The following CSGALNACT1 variants were observed in gnomAD, a reference collection of about 807,000 sequenced individuals.
The protein encoded by CSGALNACT1 is chondroitin sulfate N-acetylgalactosaminyltransferase 1.
In CSGALNACT1, 52 loss-of-function variants were observed where a neutral mutation model predicts 51.0. The ratio of observed to expected loss-of-function variants is 1.02; its 90% CI spans 0.82 to 1.29. The LOEUF (loss-of-function observed/expected upper bound fraction) is 1.29, where lower values mean the gene tolerates loss of function less well. CSGALNACT1 is among the 50% of genes most tolerant of loss of function. The pLI is 0.00. For missense variants in CSGALNACT1, 935 were observed against 679.2 expected (o/e 1.38, Z -4.19); for synonymous variants, 341 against 254.4 (o/e 1.34, Z -3.24).
chr8:19,446,232 G>A (rs532097309), intron 5 of CSGALNACT1, among the ~76,000 whole-genome samples: 133 of 152,240 alleles, frequency 8.7e-4, no homozygotes, highest in Middle Eastern at 6.8e-3. Context: ...AATGGTATTC[G>A]TTACGTATTC....
chr8:19,572,869 T>C (rs901281793), intron 3 of CSGALNACT1, among the ~76,000 whole-genome samples: 1 of 152,226 alleles, frequency 6.6e-6, no homozygotes, highest in African/African-American at 2.4e-5. Context: ...TGAAGATAAA[T>C]AATCCGTAAT....
At chr8:19,618,178 G>C (rs1327873407) in intron 1 of CSGALNACT1, among the ~76,000 whole-genome samples, 2 of 152,070 alleles carry the variant, frequency 1.3e-5, no homozygotes, top group Admixed American at 1.3e-4. Context: ...ACTGCAACTG[G>C]CTATGCCTGT....
chr8:19,556,680 T>G (rs781272523), intron 3 of CSGALNACT1, among the ~76,000 whole-genome samples: 1 of 152,144 alleles, frequency 6.6e-6, no homozygotes, highest in Admixed American at 6.5e-5. Context: ...CAAGCTATAA[T>G]AGATTCTCCT....
intron 1 of CSGALNACT1, among the ~76,000 whole-genome samples, chr8:19,666,918 G>A (rs1374887180): frequency 2.2e-5 from 3 of 134,048 alleles, no homozygotes; most frequent in African/African-American, 8.6e-5. Flanking sequence ...AGGAAGGGAG[G>A]AAGGGAGAGA....
Position 19,565,711 on chromosome 8 carries a change from G to C in CSGALNACT1, c.-297+25449C>G, listed in dbSNP as rs540188773. 1.4e-4 allele frequency among the ~76,000 whole-genome samples: 22 copies of C among 152,332 alleles called. No homozygotes were observed. The South Asian group carries it at 4.6e-3, about 32-fold the overall frequency. Reference sequence around the variant, plus strand: ...AGGTGGGTGGATCATCTGAGGTCAGGTGTTCAAGACCAGCCTGGCCAACAC... The same window carrying C: ...AGGTGGGTGGATCATCTGAGGTCAGCTGTTCAAGACCAGCCTGGCCAACAC... On this transcript the variant is annotated intron_variant, in intron 3 of 9. Transcript: ENST00000454498.
chr8:19,606,544 G>A (rs1054904479), upstream of CSGALNACT1, among the ~76,000 whole-genome samples: 13 of 152,100 alleles, frequency 8.5e-5, no homozygotes, highest in African/African-American at 3.1e-4. Flanking sequence ...TGATTTTAAA[G>A]GTCATGAGTT....
intron 4 of CSGALNACT1, among the ~76,000 whole-genome samples, chr8:19,471,835 G>C (rs1011484626): frequency 6.6e-6 from 1 of 152,196 alleles, no homozygotes; most frequent in Non-Finnish European, 1.5e-5. Context: ...ACTTGCTCCA[G>C]GTGATCAACA....
intron 6 of CSGALNACT1, among the ~76,000 whole-genome samples, chr8:19,429,319 G>A (rs1334854960): frequency 6.6e-6 from 1 of 152,122 alleles, no homozygotes; most frequent in Non-Finnish European, 1.5e-5. Context: ...TGGGATTACA[G>A]GTGTGAGCCA....
intron 3 of CSGALNACT1, among the ~76,000 whole-genome samples, chr8:19,536,887 G>A (rs2083861374): frequency 6.6e-6 from 1 of 152,144 alleles, no homozygotes; most frequent in African/African-American, 2.4e-5. Context: ...TTTCACAAAG[G>A]TACAGAAGTA....
intron 2 of CSGALNACT1, among the ~76,000 whole-genome samples, chr8:19,595,619 TA>T (rs532701386): frequency 3.2e-4 from 47 of 147,888 alleles, no homozygotes; most frequent in South Asian, 4.3e-4. Context: ...TTTGTAATGT[TA>T]AAAAAAAAAA....
intron 3 of CSGALNACT1, among the ~76,000 whole-genome samples, chr8:19,590,121 ATC>A (rs530294555): frequency 2.6e-5 from 4 of 152,188 alleles, no homozygotes; most frequent in Non-Finnish European, 4.4e-5. Flanking sequence ...TGACGTTGTC[ATC>A]TCTCTCTTTA....
intron 1 of CSGALNACT1, among the ~76,000 whole-genome samples, chr8:19,618,236 T>C (rs1393897794): frequency 6.6e-6 from 1 of 152,128 alleles, no homozygotes; most frequent in East Asian, 1.9e-4. Flanking sequence ...AATAATCAGA[T>C]TCCAGGTTGC....
chr8:19,572,084 CA>C (rs1441970356), intron 3 of CSGALNACT1, among the ~76,000 whole-genome samples: 5 of 152,132 alleles, frequency 3.3e-5, no homozygotes, highest in African/African-American at 1.2e-4. Context: ...TTGAGAACAG[CA>C]AAGTCTGCCA....
intron 1 of CSGALNACT1, among the ~76,000 whole-genome samples, chr8:19,679,107 T>G (rs1001403310): frequency 6.6e-6 from 1 of 152,194 alleles, no homozygotes; most frequent in South Asian, 2.1e-4. Flanking sequence ...AATTATTCTA[T>G]GTACAGGAAC....
intron 1 of CSGALNACT1, among the ~76,000 whole-genome samples, chr8:19,682,314 A>G (rs1013408446): frequency 2.0e-5 from 3 of 152,064 alleles, no homozygotes; most frequent in Non-Finnish European, 4.4e-5. Context: ...ATGTGCCCAG[A>G]AGGTCTAATC....
At chr8:19,438,000 T>C (rs182581890) in intron 6 of CSGALNACT1, among the ~76,000 whole-genome samples, 1 of 152,350 alleles carries the variant, frequency 6.6e-6, no homozygotes, top group East Asian at 1.9e-4. Flanking sequence ...TTCCAGTCAC[T>C]ACAAGGGGTC....
intron 1 of CSGALNACT1, among the ~76,000 whole-genome samples, chr8:19,617,247 G>A (rs374409867): frequency 1.1e-4 from 17 of 152,308 alleles, no homozygotes; most frequent in African/African-American, 4.1e-4. Flanking sequence ...GCAAGTGATG[G>A]GGAGCGGCTG....
At chr8:19,516,963 C>T (rs960313916) in intron 3 of CSGALNACT1, among the ~76,000 whole-genome samples, 12 of 152,224 alleles carry the variant, frequency 7.9e-5, no homozygotes, top group Non-Finnish European at 8.8e-5. Context: ...CCATTCCCTA[C>T]TTTGGCCATG....
At chr8:19,524,696 A>G (rs188418788) in intron 3 of CSGALNACT1, among the ~76,000 whole-genome samples, 1 of 152,264 alleles carries the variant, frequency 6.6e-6, no homozygotes, top group Non-Finnish European at 1.5e-5. Context: ...GCTTATCCCT[A>G]TTAAAAGCCT....
Sources: allele counts gnomAD v4.1 joint callset (sites outside exome capture counted in the v4.1 genomes callset), GRCh38; gene constraint gnomAD v4.1.1; transcripts MANE v1.5; gene names NCBI Gene and HGNC (gene_info 2026-07-23, HGNC 2026-07-21).